The following SSR1 variants were observed in gnomAD, a reference collection of about 807,000 sequenced individuals.
SSR1 encodes the protein translocon-associated protein subunit alpha.
Under a neutral mutation model 36.1 loss-of-function variants are expected in SSR1, and 13 were observed. The ratio of observed to expected loss-of-function variants is 0.36; its 90% CI spans 0.23 to 0.57. The LOEUF (loss-of-function observed/expected upper bound fraction) is 0.57. SSR1 is among the 20% of genes least tolerant of loss of function. The probability of loss-of-function intolerance (pLI) is 0.81; values close to 1 mark genes in which losing one functional copy is unlikely to be tolerated. For missense variants in SSR1, 291 were observed against 338.5 expected, an observed-to-expected ratio of 0.86 and a Z score of 1.10; for synonymous variants, 113 against 118.9, an observed-to-expected ratio of 0.95 and a Z score of 0.32.
intron 6 of SSR1, chr6:7,296,997 G>T: frequency 5.8e-6 from 1 of 171,892 alleles, no homozygotes; most frequent in Non-Finnish European, 1.3e-5. Context: ...AACATGAGAG[G>T]ACAGCTTGAG....
rs114818913 is a variant in SSR1 at position 7,313,165 on chromosome 6, G to A, written c.-45C>T. Reference sequence around the variant, plus strand: ...CCAGTTTCCGTCGGCTAAGGCTCTCGGCGGCTCCGGCGGTAATGGCGTTAC... The same window carrying A: ...CCAGTTTCCGTCGGCTAAGGCTCTCAGCGGCTCCGGCGGTAATGGCGTTAC... On this transcript the variant is annotated 5_prime_UTR_variant, in exon 1 of 8. Coordinates refer to ENST00000244763, the MANE Select transcript of SSR1 (RefSeq NM_003144.5). The A allele has an allele frequency of 9.8e-6, 15 of 1,536,552 alleles. No individual in the cohort carries two copies. The highest frequency in any genetic ancestry group is 3.6e-5 in the South Asian group (3 of 84,358).
chr6:7,312,307 G>C (rs905770911), intron 1 of SSR1, among the ~76,000 whole-genome samples: 9 of 152,104 alleles, frequency 5.9e-5, no homozygotes, highest in South Asian at 2.1e-4. Context: ...CATTTTTTCA[G>C]CACAATACGA....
intron 7 of SSR1, among the ~76,000 whole-genome samples, chr6:7,290,310 A>G (rs1190311650): frequency 6.6e-6 from 1 of 152,254 alleles, no homozygotes; most frequent in Non-Finnish European, 1.5e-5. Context: ...AGTTTGCATA[A>G]TTTTTCAATT....
intron 7 of SSR1, among the ~76,000 whole-genome samples, chr6:7,293,518 C>T (rs1158721217): frequency 6.6e-6 from 1 of 151,606 alleles, no homozygotes; most frequent in African/African-American, 2.4e-5. Flanking sequence ...GGAGCAATCA[C>T]GGACCTACCA....
At chr6:7,296,272 G>A (rs577263771) in intron 6 of SSR1, among the ~76,000 whole-genome samples, 99 of 152,078 alleles carry the variant, frequency 6.5e-4, no homozygotes, top group African/African-American at 2.2e-3. Flanking sequence ...TATATAATCC[G>A]TAAGTTAGAA....
intron 7 of SSR1, among the ~76,000 whole-genome samples, chr6:7,294,622 C>T (rs1447325868): frequency 3.3e-5 from 5 of 152,088 alleles, no homozygotes; most frequent in Admixed American, 2.0e-4. Flanking sequence ...ACCCAGGAGG[C>T]GGAGGTAGCA....
intron 4 of SSR1, among the ~76,000 whole-genome samples, chr6:7,299,397 A>G (rs535416895): frequency 4.6e-5 from 7 of 152,286 alleles, no homozygotes; most frequent in Admixed American, 3.3e-4. Flanking sequence ...AGTTAAATTC[A>G]TGTTCTAAAA....
Position 7,309,939 on chromosome 6 carries a change from T to C in SSR1, c.170A>G (p.Glu57Gly). 1 of 1,613,810 alleles carries C rather than the reference T, an allele frequency of 6.2e-7. No homozygotes were observed. Among genetic ancestry groups the C allele is most frequent in the Non-Finnish European group, 8.5e-7 (1 of 1,179,760 alleles). The change falls in exon 2 of 8, where the codon GAA becomes GGA. Residue 57 changes from glutamate (E) to glycine (G), a missense_variant. Coordinates refer to ENST00000244763, the MANE Select transcript of SSR1 (RefSeq NM_003144.5). ...AACCAAATCTGTGGGTTCATCTTCT[T>C]CTACCTCGGCTTCATCATCTTCATC... ...IEDEDDEAEV[E>G]EDEPTDLVED...
intron 2 of SSR1, among the ~76,000 whole-genome samples, chr6:7,304,536 A>G (rs763376512): frequency 2.0e-5 from 3 of 152,200 alleles, no homozygotes; most frequent in Non-Finnish European, 2.9e-5. Context: ...GTGTGACCAG[A>G]GATCTTCCTG....
Position 7,287,494 on chromosome 6 carries a change from T to G in SSR1, c.*2370A>C, listed in dbSNP as rs1757581531. On this transcript the variant is annotated 3_prime_UTR_variant, in exon 8 of 8. Transcript: ENST00000244763. ...TCCTTTTCCTCTCCTGGGACAATGC[T>G]TTAGAGGGCAGATTAGCCCTGAAAG... The G allele has an allele frequency of 1.3e-5, 2 of 152,204 alleles. No homozygotes were observed. Among genetic ancestry groups the G allele is most frequent in the African/African-American group, 4.8e-5 (2 of 41,454 alleles). 9.4% of individuals were successfully genotyped at this position (152,204 alleles called of 1,614,324 possible). A position where few individuals can be genotyped will look rare whatever the true frequency, so the allele number is the denominator to read the frequency against.
In SSR1 at chr6:7,303,542, T is replaced by C; in HGVS notation, c.280+8A>G. The C allele has an allele frequency of 1.3e-6, 2 of 1,590,362 alleles. No homozygotes were observed. The highest frequency in any genetic ancestry group is 2.2e-5 in the East Asian group (1 of 44,744). On this transcript the variant is annotated splice_region_variant and intron_variant, in intron 3 of 7. Transcript: ENST00000244763. Reference sequence around the variant, plus strand: ...ACATCTGAATTAAAACTAATACTTCTGTATTACCTTCTCCTTTTACAAACA... The same window carrying C: ...ACATCTGAATTAAAACTAATACTTCCGTATTACCTTCTCCTTTTACAAACA...
intron 3 of SSR1, among the ~76,000 whole-genome samples, chr6:7,302,991 C>T (rs1757971137): frequency 1.3e-5 from 2 of 151,462 alleles, no homozygotes; most frequent in South Asian, 2.1e-4. Context: ...AAAAAATTAG[C>T]CAGGCGTGGT....
rs920066335 is a variant in SSR1, at chr6:7,288,646, G to A, written c.*1218C>T. 1 of 152,544 alleles carries A rather than the reference G, an allele frequency of 6.6e-6. No homozygotes were observed. The highest frequency in any genetic ancestry group is 1.5e-5 in the Non-Finnish European group (1 of 68,002). The allele number at this position is 152,544 out of a possible 1,614,324, so 9.4% of individuals were successfully genotyped here. A position where few individuals can be genotyped will look rare whatever the true frequency, so the allele number is the denominator to read the frequency against. On this transcript the variant is annotated 3_prime_UTR_variant, in exon 8 of 8. Coordinates refer to ENST00000244763, the MANE Select transcript of SSR1 (RefSeq NM_003144.5). ...GAATATGGCTTAAAGACAAGAGGGG[G>A]AGAGCCTCTTAATTGTTCATACTAT...
intron 7 of SSR1, among the ~76,000 whole-genome samples, chr6:7,291,781 G>A (rs1359658441): frequency 6.6e-6 from 1 of 152,174 alleles, no homozygotes; most frequent in Non-Finnish European, 1.5e-5. Context: ...ACTGTTATAT[G>A]CAGATGTGAG....
At chr6:7,295,244 A>T (rs555009844) in intron 7 of SSR1, 148 bp downstream of exon 7, 13 of 1,079,376 alleles carry the variant, frequency 1.2e-5, no homozygotes, top group Non-Finnish European at 1.6e-5. Context: ...TTAAGGTCTT[A>T]ATTAATCACT....
chr6:7,309,579 C>G (rs191145073), intron 2 of SSR1, among the ~76,000 whole-genome samples: 1 of 152,208 alleles, frequency 6.6e-6, no homozygotes, highest in Admixed American at 6.5e-5. Context: ...GTGGGAGGAA[C>G]CTGGTGGGAG....
chr6:7,304,658 T>A lies in SSR1; in HGVS notation c.193-1021A>T, dbSNP rs994205171. Among the ~76,000 whole-genome samples, 3 of 152,210 alleles carry A rather than the reference T, an allele frequency of 2.0e-5. No homozygotes were observed. In the East Asian group the frequency reaches 5.8e-4, roughly 29 times the overall value. On this transcript the variant is annotated intron_variant, in intron 2 of 7. Coordinates refer to ENST00000244763, the MANE Select transcript of SSR1 (RefSeq NM_003144.5). Reference sequence around the variant, plus strand: ...GATACATAAACTGTATCTCAACAAATTTTTTTAAAATGTGAACAAATTTTA... The same window carrying A: ...GATACATAAACTGTATCTCAACAAAATTTTTTAAAATGTGAACAAATTTTA...
chr6:7,312,115 G>A (rs1207303526), intron 1 of SSR1, among the ~76,000 whole-genome samples: 2 of 152,180 alleles, frequency 1.3e-5, no homozygotes, highest in Non-Finnish European at 2.9e-5. Context: ...CAGAATGAAA[G>A]GGATGCTTAG....
intron 6 of SSR1, 69 bp from the exon 7 acceptor site, chr6:7,295,554 G>C (rs1240665376): frequency 2.5e-6 from 3 of 1,196,122 alleles, no homozygotes; most frequent in Non-Finnish European, 3.5e-6. Flanking sequence ...TTTTAAAAAA[G>C]AGTTGAGGTC....
Sources: allele counts gnomAD v4.1 joint callset (sites outside exome capture counted in the v4.1 genomes callset), GRCh38; gene constraint gnomAD v4.1.1; transcripts MANE v1.5; gene names NCBI Gene and HGNC (gene_info 2026-07-23, HGNC 2026-07-21).